The following CAPN5 variants were observed in gnomAD, a reference collection of about 807,000 sequenced individuals.
CAPN5 encodes calpain 5, also known as calpain-5.
CAPN5 carries 54 observed loss-of-function variants against 73.0 expected under a neutral mutation model. The ratio of observed to expected loss-of-function variants is 0.74; its 90% CI spans 0.59 to 0.93. The LOEUF (loss-of-function observed/expected upper bound fraction) is 0.93. Ranked by LOEUF, CAPN5 falls within the 40% of genes least tolerant of loss-of-function variation. The pLI is 0.00. For synonymous variants in CAPN5, 335 were observed against 356.9 expected (o/e 0.94, Z 0.69); for missense variants, 785 against 882.9 (o/e 0.89, Z 1.41).
chr11:77,102,853 G>A (rs781915212), intron 3 of CAPN5: 1 of 1,596,594 alleles, frequency 6.3e-7, no homozygotes, highest in Non-Finnish European at 8.5e-7. Context: ...GCGGAGGACA[G>A]GCCGCAGCAG....
chr11:77,099,812 A>G (rs1290434127), intron 3 of CAPN5, among the ~76,000 whole-genome samples: 1 of 151,278 alleles, frequency 6.6e-6, no homozygotes, highest in Non-Finnish European at 1.5e-5. Flanking sequence ...TTTTTTTTCC[A>G]CTTGGTGTTA....
chr11:77,110,885 C>T (rs782421907), intron 3 of CAPN5, among the ~76,000 whole-genome samples: 1 of 152,204 alleles, frequency 6.6e-6, no homozygotes, highest in Non-Finnish European at 1.5e-5. Flanking sequence ...TGCCGGCCTC[C>T]TGGTGTGCCT....
chr11:77,115,127 T>TTAAATATTCCCGAATATTTAACAAC (rs1950452779), intron 5 of CAPN5, among the ~76,000 whole-genome samples: 1 of 152,046 alleles, frequency 6.6e-6, no homozygotes, highest in Non-Finnish European at 1.5e-5. Flanking sequence ...TATTTAACAA[T>TTAAATATTCCCGAATATTTAACAAC]TTAAATATTC....
chr11:77,115,529 C>G lies in CAPN5; in HGVS notation c.834C>G (p.Asp278Glu), dbSNP rs1950458220. ...LLAFFKSEKLDMIRLRNPWGE... is the reference protein window; with the variant it reads ...LLAFFKSEKLEMIRLRNPWGE... ...CCTTCTTCAAGTCAGAGAAGTTGGA[C>G]ATGATCCGCCTGCGCAACCCCTGGG... The change falls in exon 6 of 13, where the codon GAC (aspartate) becomes GAG (glutamate). Residue 278 changes from aspartate to glutamate, a missense_variant. By Grantham distance (45) the Asp-to-Glu change is conservative (BLOSUM62 2). Transcript: ENST00000648180. 6.2e-7 allele frequency: 1 copy of G among 1,613,106 alleles called. No individual in the cohort carries two copies. The highest frequency in any genetic ancestry group is 1.7e-5 in the Admixed American group (1 of 60,006).
chr11:77,123,749 C>A lies in CAPN5; in HGVS notation c.1802C>A (p.Pro601Gln), dbSNP rs782567376. 6.2e-7 allele frequency: 1 copy of A among 1,613,938 alleles called. No individual in the cohort carries two copies. The highest frequency in any genetic ancestry group is 8.5e-7 in the Non-Finnish European group (1 of 1,179,972). ...GGCCAGGTGCACCTAAAGGCTGACC[C>A]GGACAACCTCCAGGCCCTGCATACC... is the stretch of plus-strand genomic sequence containing the variant. ...FLGQVHLKAD[P>Q]DNLQALHTLH... Residue 601 changes from proline to glutamine, a missense_variant, in exon 13 of 13, where the codon CCG (proline) becomes CAG (glutamine). Coordinates refer to ENST00000648180, the MANE Select transcript of CAPN5 (RefSeq NM_004055.5).
intron 1 of CAPN5, among the ~76,000 whole-genome samples, chr11:77,075,499 T>A (rs1949960011): frequency 6.6e-6 from 1 of 152,146 alleles, no homozygotes; most frequent in African/African-American, 2.4e-5. Context: ...TGACAAAGGC[T>A]AGTGCTCGGA....
chr11:77,118,243 C>G lies in CAPN5; in HGVS notation c.1058C>G (p.Thr353Arg). 1 of 1,614,134 alleles carries G rather than the reference C, an allele frequency of 6.2e-7. No homozygotes were observed. The highest frequency in any genetic ancestry group is 8.5e-7 in the Non-Finnish European group (1 of 1,180,020). ...INTSHLSIHK[T>R]WEEARLHGAW... ...ACATCCCACCTGAGCATCCACAAGACGTGGGAGGAGGCCCGGCTGCATGGC... is the reference window on the plus strand; with the variant it reads ...ACATCCCACCTGAGCATCCACAAGAGGTGGGAGGAGGCCCGGCTGCATGGC... The change falls in exon 8 of 13, where the codon ACG becomes AGG. Residue 353 changes from threonine (T) to arginine (R), a missense_variant. Transcript: ENST00000648180.
At chr11:77,093,544 G>A (rs1336579576) in intron 2 of CAPN5, 138 bp from the exon 3 acceptor site, 5 of 1,353,098 alleles carry the variant, frequency 3.7e-6, no homozygotes, top group African/African-American at 1.4e-5. Flanking sequence ...AGTCTGTGGT[G>A]GGAGGCAGGT....
At position 77,123,810 on chromosome 11, in the gene CAPN5, C is replaced by T. The variant is rs1282987731; in HGVS notation, c.1863C>T (p.Ser621=). 1 of 1,613,966 alleles carries T rather than the reference C, an allele frequency of 6.2e-7. No individual in the cohort carries two copies. Among genetic ancestry groups the T allele is most frequent in the South Asian group, 1.1e-5 (1 of 91,078 alleles). ...HLRDRNSRQP[S]NLPGTVAVHI... The stretch of plus-strand genomic sequence containing the variant: ...GGGACCGAAATAGCCGGCAGCCCAG[C>T]AACCTGCCAGGCACTGTGGCCGTGC... The change falls in exon 13 of 13, where the codon AGC becomes AGT. Residue 621 remains serine, a synonymous_variant. Transcript: ENST00000648180.
At chr11:77,101,689 C>T (rs1950285991) in intron 3 of CAPN5, among the ~76,000 whole-genome samples, 2 of 152,188 alleles carry the variant, frequency 1.3e-5, no homozygotes, top group Admixed American at 1.3e-4. Context: ...GATACCTTGG[C>T]CTTGACTCTG....
At chr11:77,084,744 C>T (rs1258807733) in intron 1 of CAPN5, 108 bp from the exon 2 acceptor site, 51 of 977,056 alleles carry the variant, frequency 5.2e-5, no homozygotes, top group Admixed American at 6.0e-5. Context: ...CTCCACGCCT[C>T]GCTGAGCCTT....
chr11:77,121,664 C>T (rs146693955), intron 10 of CAPN5, among the ~76,000 whole-genome samples: 5 of 152,330 alleles, frequency 3.3e-5, no homozygotes, highest in Admixed American at 2.0e-4. Flanking sequence ...TCACCCATAA[C>T]GCCAGCAGGG....
intron 3 of CAPN5, among the ~76,000 whole-genome samples, chr11:77,107,561 G>A (rs937362963): frequency 3.3e-5 from 5 of 152,084 alleles, no homozygotes; most frequent in South Asian, 4.2e-4. Flanking sequence ...GCCACTACCC[G>A]GGGAAGATTT....
At chr11:77,079,724 G>T (rs143148366) in intron 1 of CAPN5, among the ~76,000 whole-genome samples, 4 of 151,444 alleles carry the variant, frequency 2.6e-5, no homozygotes, top group African/African-American at 7.3e-5. Context: ...AAATGGTTTC[G>T]CAAAGTGATT....
intron 3 of CAPN5, among the ~76,000 whole-genome samples, chr11:77,103,876 G>A (rs1950316624): frequency 6.6e-6 from 1 of 152,234 alleles, no homozygotes; most frequent in African/African-American, 2.4e-5. Flanking sequence ...TATGGGGCAG[G>A]GTTGCTGCAG....
intron 3 of CAPN5, among the ~76,000 whole-genome samples, chr11:77,106,073 AGTCAAGCCCTGCCTTGGGGGT>A (rs1165537507): frequency 7.8e-6 from 1 of 128,916 alleles, no homozygotes; most frequent in Non-Finnish European, 1.7e-5. Flanking sequence ...CTGGAGACCA[AGTCAAGCCCTGCCTTGGGGGT>A]CTCACCAGTG....
In CAPN5 at chr11:77,114,194, C is replaced by T. The variant is rs200324313; in HGVS notation, c.507-48C>T. ...CTCCCCTATGAGGTAAAGGATGCAG[C>T]CTGGCTGGGGAGCATGAGCTGGGAA... On this transcript the variant is annotated intron_variant, in intron 4 of 12. Coordinates refer to ENST00000648180, the MANE Select transcript of CAPN5 (RefSeq NM_004055.5). 4 of 1,574,590 alleles carry T rather than the reference C, an allele frequency of 2.5e-6. No individual in the cohort carries two copies. In the Admixed American group the frequency reaches 6.7e-5, roughly 26 times the overall value.
chr11:77,069,257 G>A (rs1428108237), intron 1 of CAPN5, among the ~76,000 whole-genome samples: 1 of 152,194 alleles, frequency 6.6e-6, no homozygotes, highest in Non-Finnish European at 1.5e-5. Flanking sequence ...TGATGAAGAT[G>A]AACTTAGATC....
chr11:77,093,780 G>A lies in CAPN5; in HGVS notation c.264G>A (p.Ser88=), dbSNP rs199875193. Residue 88 remains serine, a synonymous_variant, in exon 3 of 13, where the codon TCG becomes TCA. Transcript: ENST00000648180. ...VGNCWFVAAC[S]SLASRESLWQ... Reference sequence around the variant, plus strand: ...ACTGCTGGTTTGTGGCAGCCTGCTCGTCACTTGCCTCCCGGGAGTCGCTGT... The same window carrying A: ...ACTGCTGGTTTGTGGCAGCCTGCTCATCACTTGCCTCCCGGGAGTCGCTGT... 4.3e-5 allele frequency: 70 copies of A among 1,611,914 alleles called. No individual in the cohort carries two copies. Among genetic ancestry groups the A allele is most frequent in the African/African-American group, 2.1e-4 (16 of 75,076 alleles).
Sources: allele counts gnomAD v4.1 joint callset (sites outside exome capture counted in the v4.1 genomes callset), GRCh38; gene constraint gnomAD v4.1.1; transcripts MANE v1.5; gene names NCBI Gene and HGNC (gene_info 2026-07-23, HGNC 2026-07-21).